LRRC1: variants seen among roughly 807,000 people sequenced by gnomAD.
LRRC1 encodes the protein leucine-rich repeat-containing protein 1.
In LRRC1, 28 loss-of-function variants were observed where a neutral mutation model predicts 69.9. The ratio of observed to expected loss-of-function variants is 0.40; its 90% CI spans 0.30 to 0.55. The LOEUF is 0.55. LRRC1 is among the 20% of genes least tolerant of loss of function. The pLI, the probability that LRRC1 is intolerant of heterozygous loss-of-function variation, is 0.47. For missense variants in LRRC1, 498 were observed against 609.0 expected (o/e 0.82, Z 1.92); for synonymous variants, 236 against 240.2 (o/e 0.98, Z 0.16).
chr6:53,883,943 C>T (rs1284958164), intron 4 of LRRC1: 2 of 717,870 alleles, frequency 2.8e-6, no homozygotes, highest in Non-Finnish European at 5.2e-6. Context: ...CCTTTCTATC[C>T]TCTTCAGGCA....
chr6:53,842,503 C>CA (rs989159503), intron 2 of LRRC1, among the ~76,000 whole-genome samples: 9 of 151,708 alleles, frequency 5.9e-5, no homozygotes, highest in South Asian at 4.2e-4. Flanking sequence ...AGGCATTTTC[C>CA]AAAAAAAATT....
chr6:53,918,686 A>C (rs1034723765), intron 11 of LRRC1, among the ~76,000 whole-genome samples: 1 of 152,220 alleles, frequency 6.6e-6, no homozygotes, highest in South Asian at 2.1e-4. Context: ...ATAGGTGTAC[A>C]TATGATTTCT....
chr6:53,919,229 C>CTCTTTTTTTTTTTTTTTTTTTT (rs1467923075), intron 11 of LRRC1: 1 of 72,272 alleles, frequency 1.4e-5, no homozygotes, highest in Non-Finnish European at 2.6e-5. Context: ...TTTTCTCTCT[C>CTCTTTTTTTTTTTTTTTTTTTT]TTTTTTTTTT....
chr6:53,875,943 C>G (rs912194097), intron 2 of LRRC1, among the ~76,000 whole-genome samples: 2 of 152,158 alleles, frequency 1.3e-5, no homozygotes, highest in African/African-American at 4.8e-5. Context: ...TTATTGTTAA[C>G]TGTAGTCATC....
chr6:53,800,679 G>A (rs1185956513), intron 1 of LRRC1, among the ~76,000 whole-genome samples: 4 of 150,370 alleles, frequency 2.7e-5, no homozygotes, highest in East Asian at 2.0e-4. Context: ...TCACTCTGTC[G>A]CCCAGTCTGG....
intron 1 of LRRC1, among the ~76,000 whole-genome samples, chr6:53,798,953 C>A (rs967570028): frequency 3.3e-5 from 5 of 152,244 alleles, no homozygotes; most frequent in African/African-American, 1.2e-4. Context: ...GGCTTCCCCT[C>A]TGTACTTCCT....
intron 2 of LRRC1, among the ~76,000 whole-genome samples, chr6:53,858,398 G>A (rs1766387604): frequency 6.6e-6 from 1 of 152,018 alleles, no homozygotes; most frequent in Admixed American, 6.6e-5. Context: ...GCCAATGTTG[G>A]TGTCACACTG....
chr6:53,840,916 G>GTT (rs1765764743), intron 1 of LRRC1, among the ~76,000 whole-genome samples: 1 of 145,708 alleles, frequency 6.9e-6, no homozygotes. Flanking sequence ...GTGTGTGTGT[G>GTT]TGTGTGTGTG....
intron 1 of LRRC1, among the ~76,000 whole-genome samples, chr6:53,826,418 G>C (rs1765259190): frequency 6.6e-6 from 1 of 152,096 alleles, no homozygotes; most frequent in African/African-American, 2.4e-5. Context: ...ACAAAAGGAG[G>C]ACAAAGAGCC....
At chr6:53,898,345 C>A (rs1767939041) in intron 7 of LRRC1, among the ~76,000 whole-genome samples, 1 of 152,074 alleles carries the variant, frequency 6.6e-6, no homozygotes, top group South Asian at 2.1e-4. Context: ...TGTGGGAAAT[C>A]CTGGTTGAAA....
chr6:53,839,138 A>G (rs531291237), intron 1 of LRRC1, among the ~76,000 whole-genome samples: 1 of 152,096 alleles, frequency 6.6e-6, no homozygotes, highest in South Asian at 2.1e-4. Context: ...TTTGAAATGT[A>G]TGTTTTCTAG....
chr6:53,889,768 C>T (rs1480573313), intron 4 of LRRC1, among the ~76,000 whole-genome samples: 1 of 152,118 alleles, frequency 6.6e-6, no homozygotes, highest in Non-Finnish European at 1.5e-5. Context: ...TGTACACTTT[C>T]AAAGGTGAAT....
chr6:53,795,207 G>T lies in LRRC1; in HGVS notation c.-50G>T, dbSNP rs1467854622. 3.9e-6 allele frequency: 6 copies of T among 1,526,576 alleles called. No individual in the cohort carries two copies. The African/African-American group carries it at 8.2e-5, about 21-fold the overall frequency. 94.6% of individuals were successfully genotyped at this position (1,526,576 alleles called of 1,614,324 possible). Reference sequence around the variant, plus strand: ...AGCCGCCGGCCAGAGCGGGCTCGGAGCCCGGGTCTCCGCCGCTCGGGACCC... The same window carrying T: ...AGCCGCCGGCCAGAGCGGGCTCGGATCCCGGGTCTCCGCCGCTCGGGACCC... On this transcript the variant is annotated 5_prime_UTR_variant, in exon 1 of 14. Transcript: ENST00000370888.
At chr6:53,915,670 G>C (rs182042644) in intron 11 of LRRC1, among the ~76,000 whole-genome samples, 1 of 152,264 alleles carries the variant, frequency 6.6e-6, no homozygotes, top group Admixed American at 6.5e-5. Context: ...CTCAGAAAAA[G>C]AGAAAGTTAA....
rs775995684 is a variant in LRRC1 at position 53,810,914 on chromosome 6, TC to T, written c.159+15504del. On this transcript the variant is annotated intron_variant, in intron 1 of 13. Transcript: ENST00000370888. ...GTCTCCAATCTGTCAACGTCTCTGC[TC>T]CCCCAGCCTTTGAGGTTTACTTTTC... Among the ~76,000 whole-genome samples the T allele has an allele frequency of 5.3e-5, 8 of 152,090 alleles. No individual in the cohort carries two copies. The East Asian group carries it at 1.6e-3, about 29-fold the overall frequency.
chr6:53,811,949 G>T (rs1283361674), intron 1 of LRRC1, among the ~76,000 whole-genome samples: 1 of 152,250 alleles, frequency 6.6e-6, no homozygotes, highest in African/African-American at 2.4e-5. Flanking sequence ...AGTGCACAGT[G>T]CCTGCCTTGA....
chr6:53,911,044 G>A (rs1768392729), intron 10 of LRRC1, among the ~76,000 whole-genome samples: 1 of 152,206 alleles, frequency 6.6e-6, no homozygotes, highest in Non-Finnish European at 1.5e-5. Context: ...TGTTGGCATT[G>A]TTTTTCATAA....
chr6:53,915,861 T>G (rs1768548094), intron 11 of LRRC1, among the ~76,000 whole-genome samples: 1 of 152,184 alleles, frequency 6.6e-6, no homozygotes, highest in African/African-American at 2.4e-5. Context: ...GTATAGAAAC[T>G]AATCTTTTAA....
chr6:53,874,597 A>G (rs955694454), intron 2 of LRRC1, among the ~76,000 whole-genome samples: 3 of 152,168 alleles, frequency 2.0e-5, no homozygotes, highest in Non-Finnish European at 2.9e-5. Flanking sequence ...TTCATGTAGC[A>G]TCTGATTATT....
Sources: allele counts gnomAD v4.1 joint callset (sites outside exome capture counted in the v4.1 genomes callset), GRCh38; gene constraint gnomAD v4.1.1; transcripts MANE v1.5; gene names NCBI Gene and HGNC (gene_info 2026-07-23, HGNC 2026-07-21).